Variants in RPS6KA5 observed in about 807,000 individuals in gnomAD.
RPS6KA5 encodes ribosomal protein S6 kinase alpha-5.
A neutral mutation model predicts 85.5 loss-of-function variants in RPS6KA5; 27 were observed. The ratio of observed to expected loss-of-function variants is 0.32; its 90% confidence interval spans 0.23 to 0.44. The LOEUF (loss-of-function observed/expected upper bound fraction) is 0.44. Ranked by LOEUF, RPS6KA5 falls within the 20% of genes least tolerant of loss-of-function variation. The pLI is 1.00. For synonymous variants in RPS6KA5, 334 were observed against 348.2 expected (o/e 0.96, Z 0.46); for missense variants, 811 against 980.9 (o/e 0.83, Z 2.31).
chr14:91,044,436 A>C (rs1015940785), intron 1 of RPS6KA5, among the ~76,000 whole-genome samples: 1 of 148,034 alleles, frequency 6.8e-6, no homozygotes, highest in African/African-American at 2.5e-5. Context: ...AAAGAAAGAA[A>C]GAAAGAAAGA....
chr14:90,861,178 C>A lies in RPS6KA5; in HGVS notation c.*10896G>T, dbSNP rs894991726. 3 of 150,094 alleles carry A rather than the reference C, an allele frequency of 2.0e-5. No homozygotes were observed. The highest frequency in any genetic ancestry group is 7.3e-5 in the African/African-American group (3 of 41,028). 9.3% of individuals were successfully genotyped at this position (150,094 alleles called of 1,614,324 possible). A position where few individuals can be genotyped will look rare whatever the true frequency, so the allele number is the denominator to read the frequency against. ...AAAGTGCTGGGATTACAGGCGTGAGCCACAGTGCCCAGCCAGAGTCTTTAA... is the reference window on the plus strand; with the variant it reads ...AAAGTGCTGGGATTACAGGCGTGAGACACAGTGCCCAGCCAGAGTCTTTAA... On this transcript the variant is annotated 3_prime_UTR_variant, in exon 17 of 17. Coordinates refer to ENST00000614987, the MANE Select transcript of RPS6KA5 (RefSeq NM_004755.4).
chr14:90,980,545 A>G (rs1203396408), intron 2 of RPS6KA5, among the ~76,000 whole-genome samples: 2 of 152,234 alleles, frequency 1.3e-5, no homozygotes, highest in Admixed American at 1.3e-4. Context: ...CTTATGATAT[A>G]AACTCATTCG....
intron 6 of RPS6KA5, among the ~76,000 whole-genome samples, chr14:90,921,931 T>C (rs1328891225): frequency 1.3e-5 from 2 of 152,146 alleles, no homozygotes; most frequent in African/African-American, 2.4e-5. Flanking sequence ...TACCCTTTAA[T>C]ACAGAAAAAA....
chr14:90,887,945 C>CAA (rs34947711), intron 14 of RPS6KA5, among the ~76,000 whole-genome samples: 80 of 42,734 alleles, frequency 1.9e-3, no homozygotes, highest in East Asian at 2.3e-3. Context: ...GAGGCTATCG[C>CAA]AAAAAAAAAA....
chr14:91,009,438 A>G lies in RPS6KA5; in HGVS notation c.104-8279T>C, dbSNP rs550695509. 2.0e-3 allele frequency among the ~76,000 whole-genome samples: 305 copies of G among 152,298 alleles called. 2 individuals carry two copies. The highest frequency in any genetic ancestry group is 7.1e-3 in the African/African-American group (296 of 41,572). On this transcript the variant is annotated intron_variant, in intron 1 of 16. Transcript: ENST00000614987. ...TGCTGGGCTTTTTCTTTTAATAGAG[A>G]CCGAGTCTCACTATGTTGCCCAAGC...
chr14:90,994,751 T>C (rs2040448090), intron 2 of RPS6KA5, among the ~76,000 whole-genome samples: 1 of 151,578 alleles, frequency 6.6e-6, no homozygotes, highest in Non-Finnish European at 1.5e-5. Context: ...TTTTTTTGTT[T>C]TTAGTAGAGA....
Position 91,060,380 on chromosome 14 carries a change from C to T in RPS6KA5, c.55G>A (p.Gly19Ser), listed in dbSNP as rs1029077430. ...GTGAGGAGCTGCTCTCCTCCGTCGC[C>T]GCCGTCCGCGCTGGTCCCCGCGGCG... is the stretch of plus-strand genomic sequence containing the variant. ...GGAAGTSADGGDGGEQLLTVK... is the reference protein window; with the variant it reads ...GGAAGTSADGSDGGEQLLTVK... Residue 19 changes from glycine (G) to serine (S), a missense_variant, in exon 1 of 17, where the codon GGC becomes AGC. By Grantham distance (56) the Gly-to-Ser change is moderately conservative (BLOSUM62 0). This residue lies in a region of RPS6KA5 where 113 missense variants were observed against 100.0 expected (regional missense o/e 1.13). Coordinates refer to ENST00000614987, the MANE Select transcript of RPS6KA5 (RefSeq NM_004755.4). 2.2e-5 allele frequency: 33 copies of T among 1,508,072 alleles called. No individual in the cohort carries two copies. Among genetic ancestry groups the T allele is most frequent in the Non-Finnish European group, 2.9e-5 (32 of 1,122,746 alleles). The allele number at this position is 1,508,072 out of a possible 1,614,324, so 93.4% of individuals were successfully genotyped here. A position where few individuals can be genotyped will look rare whatever the true frequency, so the allele number is the denominator to read the frequency against.
chr14:90,909,949 T>A (rs1481557325), intron 7 of RPS6KA5, among the ~76,000 whole-genome samples: 3 of 152,190 alleles, frequency 2.0e-5, no homozygotes, highest in Non-Finnish European at 4.4e-5. Flanking sequence ...CTAATTTTTG[T>A]ATTTTCAGTA....
At chr14:90,968,168 C>T (rs1263065329) in intron 3 of RPS6KA5, among the ~76,000 whole-genome samples, 1 of 152,154 alleles carries the variant, frequency 6.6e-6, no homozygotes, top group Non-Finnish European at 1.5e-5. Flanking sequence ...TAGATACAGG[C>T]CACCCACATT....
intron 2 of RPS6KA5, among the ~76,000 whole-genome samples, chr14:90,994,289 T>C (rs1359532519): frequency 6.6e-6 from 1 of 152,160 alleles, no homozygotes; most frequent in Non-Finnish European, 1.5e-5. Flanking sequence ...TCTTTAGCTA[T>C]ATCTCATCTA....
At chr14:90,999,506 G>A (rs2040686849) in intron 2 of RPS6KA5, among the ~76,000 whole-genome samples, 1 of 152,144 alleles carries the variant, frequency 6.6e-6, no homozygotes, top group Non-Finnish European at 1.5e-5. Flanking sequence ...AGAATGGGGA[G>A]GAGGAGGGGG....
intron 14 of RPS6KA5, 39 bp from the exon 15 acceptor site, chr14:90,875,399 G>T (rs1326016761): frequency 4.4e-6 from 7 of 1,582,234 alleles, no homozygotes; most frequent in Admixed American, 1.8e-5. Flanking sequence ...TGACTACCCA[G>T]ATCTGTTAAA....
At chr14:90,899,680 G>C (rs552452576) in intron 11 of RPS6KA5, among the ~76,000 whole-genome samples, 1 of 152,252 alleles carries the variant, frequency 6.6e-6, no homozygotes, top group Non-Finnish European at 1.5e-5. Context: ...TGACAATTTA[G>C]AGTAATAAGA....
intron 3 of RPS6KA5, among the ~76,000 whole-genome samples, chr14:90,976,572 T>C (rs1054630221): frequency 6.6e-6 from 1 of 152,180 alleles, no homozygotes; most frequent in Non-Finnish European, 1.5e-5. Context: ...GAAACCGCTG[T>C]ATTAGAATGC....
intron 2 of RPS6KA5, among the ~76,000 whole-genome samples, chr14:90,991,498 T>C (rs930693461): frequency 3.3e-5 from 5 of 151,980 alleles, no homozygotes; most frequent in Non-Finnish European, 7.4e-5. Flanking sequence ...GGTCAGGAGT[T>C]TGAGACCAGC....
intron 2 of RPS6KA5, among the ~76,000 whole-genome samples, chr14:90,983,314 G>A (rs1321823474): frequency 6.6e-6 from 1 of 150,808 alleles, no homozygotes; most frequent in Non-Finnish European, 1.5e-5. Flanking sequence ...AAAAATATGA[G>A]CAAAGTATGG....
chr14:90,964,229 G>T (rs978148643), intron 3 of RPS6KA5, among the ~76,000 whole-genome samples: 30 of 152,268 alleles, frequency 2.0e-4, no homozygotes, highest in African/African-American at 5.1e-4. Context: ...CAATCAAGTC[G>T]CATGGCTCCT....
chr14:90,905,059 A>C (rs1366183965), intron 8 of RPS6KA5, among the ~76,000 whole-genome samples: 1 of 152,146 alleles, frequency 6.6e-6, no homozygotes, highest in Admixed American at 6.5e-5. Flanking sequence ...TATAGTGAGA[A>C]GTTTCTTTTA....
intron 5 of RPS6KA5, among the ~76,000 whole-genome samples, chr14:90,936,880 T>C (rs558903537): frequency 1.3e-5 from 2 of 152,220 alleles, no homozygotes; most frequent in Non-Finnish European, 1.5e-5. Context: ...AAGGCAGATT[T>C]TGGTGGAAGA....
Sources: allele counts gnomAD v4.1 joint callset (sites outside exome capture counted in the v4.1 genomes callset), GRCh38; gene constraint gnomAD v4.1.1; regional missense constraint gnomAD v4.1.1; transcripts MANE v1.5; gene names NCBI Gene and HGNC (gene_info 2026-07-23, HGNC 2026-07-21).